PCDHA1: variants seen among roughly 807,000 people sequenced by gnomAD.
PCDHA1 encodes the protein protocadherin alpha-1.
A neutral mutation model predicts 61.3 loss-of-function variants in PCDHA1; 42 were observed. The observed-to-expected ratio is 0.69, with a 90% CI of 0.54 to 0.89. The LOEUF (loss-of-function observed/expected upper bound fraction) is 0.89. PCDHA1 is among the 40% of genes least tolerant of loss of function. The pLI is 0.00. For synonymous variants in PCDHA1, 610 were observed against 553.8 expected, an observed-to-expected ratio of 1.10 and a Z score of -1.43; for missense variants, 1,256 against 1,235.3, an observed-to-expected ratio of 1.02 and a Z score of -0.25.
intron 1 of PCDHA1, among the ~76,000 whole-genome samples, chr5:140,938,703 T>A: frequency 6.6e-6 from 1 of 152,170 alleles, no homozygotes; most frequent in East Asian, 1.9e-4. Flanking sequence ...AAATATATGT[T>A]TATGATAGAA....
intron 1 of PCDHA1, among the ~76,000 whole-genome samples, chr5:140,899,512 G>C (rs4386771): frequency 0.046 from 7,065 of 152,150 alleles, 285 homozygotes; most frequent in African/African-American, 0.11. Flanking sequence ...TGCATATATT[G>C]CATCCCAGGG....
chr5:140,796,415 C>T (rs782310227), intron 1 of PCDHA1: 18 of 1,613,830 alleles, frequency 1.1e-5, no homozygotes, highest in South Asian at 2.2e-5. Context: ...GATGCGGACG[C>T]GCAGGAGAAC....
chr5:140,935,388 T>C (rs2090344079), intron 1 of PCDHA1, among the ~76,000 whole-genome samples: 1 of 152,240 alleles, frequency 6.6e-6, no homozygotes, highest in African/African-American at 2.4e-5. Context: ...TCATTTGTTA[T>C]CCCACGGGAC....
rs572273107 is a variant in PCDHA1, at chr5:140,941,410, G to A, written c.2395-37539G>A. 1.3e-4 allele frequency among the ~76,000 whole-genome samples: 19 copies of A among 147,656 alleles called. 1 individual carries two copies. In the South Asian group the frequency reaches 3.3e-3, roughly 26 times the overall value. ...TGGCTCACTGCAACCTCCGCCTCCC[G>A]GGTTCAAGCAATTCTCTGCCTCAGC... On this transcript the variant is annotated intron_variant, in intron 1 of 3. Transcript: ENST00000504120.
chr5:140,841,942 G>T (rs2150326049), intron 1 of PCDHA1: 2 of 1,613,920 alleles, frequency 1.2e-6, no homozygotes, highest in Non-Finnish European at 1.7e-6. Flanking sequence ...ACGCTCCTGC[G>T]CACCACTTAT....
At chr5:140,973,697 C>G (rs1474916406) in intron 1 of PCDHA1, among the ~76,000 whole-genome samples, 1 of 152,226 alleles carries the variant, frequency 6.6e-6, no homozygotes, top group Non-Finnish European at 1.5e-5. Context: ...CTGTTTCCTT[C>G]TGACCCAGGA....
intron 1 of PCDHA1, chr5:140,802,047 G>C (rs1361472766): frequency 6.2e-7 from 1 of 1,614,032 alleles, no homozygotes; most frequent in Non-Finnish European, 8.5e-7. Context: ...TTTCAATACG[G>C]ACATGTCAGC....
chr5:140,922,726 C>T lies in PCDHA1; in HGVS notation c.2395-56223C>T, dbSNP rs118091551. On this transcript the variant is annotated intron_variant, in intron 1 of 3. Coordinates refer to ENST00000504120, the MANE Select transcript of PCDHA1 (RefSeq NM_018900.4). ...GTCAAGAACAAAAAGAAACACTTGA[C>T]AAGGTTGAGAAAAATAAATGGAAAA... is the stretch of plus-strand genomic sequence containing the variant. 6.6e-5 allele frequency among the ~76,000 whole-genome samples: 10 copies of T among 152,012 alleles called. No homozygotes were observed. The East Asian group carries it at 1.9e-3, about 29-fold the overall frequency.
At position 140,982,483 on chromosome 5, in the gene PCDHA1, A is replaced by C. The variant is rs1554244276; in HGVS notation, c.2462A>C (p.His821Pro). 1.2e-5 allele frequency: 20 copies of C among 1,614,142 alleles called. No homozygotes were observed. In the South Asian group the frequency reaches 1.9e-4, roughly 15 times the overall value. The stretch of plus-strand genomic sequence containing the variant: ...TCTGTGTGTTTATTCAGCTCTGTGC[A>C]CCTAGAGGAGGCTGGCATTCTACGG... ...SLRAGMHSSV[H>P]LEEAGILRAG... The change falls in exon 3 of 4, where the codon CAC becomes CCC. Residue 821 changes from histidine to proline, a missense_variant. By Grantham distance (77) the His-to-Pro change is moderately conservative. Coordinates refer to ENST00000504120, the MANE Select transcript of PCDHA1 (RefSeq NM_018900.4).
chr5:140,795,760 G>C (rs782144250), intron 1 of PCDHA1: 8 of 1,613,818 alleles, frequency 5.0e-6, no homozygotes, highest in Admixed American at 1.7e-5. Context: ...TAAGTTAAAC[G>C]CTTCTGATGC....
chr5:140,831,211 A>G lies in PCDHA1; in HGVS notation c.2394+42527A>G, dbSNP rs2150192455. 5.9e-5 allele frequency: 9 copies of G among 152,346 alleles called. No individual in the cohort carries two copies. In the South Asian group the frequency reaches 1.9e-3, roughly 32 times the overall value. The allele number at this position is 152,346 out of a possible 1,614,324, so 9.4% of individuals were successfully genotyped here. ...TTAGACCTTGTGATCAAGTAAATTT[A>G]TATGAAAACTGCATTCCTCTGGCAT... On this transcript the variant is annotated intron_variant, in intron 1 of 3. Transcript: ENST00000504120.
chr5:140,821,829 T>G (rs2150110969), intron 1 of PCDHA1: 2 of 1,614,124 alleles, frequency 1.2e-6, no homozygotes, highest in South Asian at 2.2e-5. Context: ...TGCTCTGGCT[T>G]CTCCTTGCCT....
intron 3 of PCDHA1, among the ~76,000 whole-genome samples, chr5:140,998,919 A>G (rs781864069): frequency 6.6e-6 from 1 of 152,248 alleles, no homozygotes; most frequent in Non-Finnish European, 1.5e-5. Flanking sequence ...TAGCTATTAT[A>G]TCCATTTTAC....
chr5:140,836,237 G>C (rs2150256194), intron 1 of PCDHA1: 6 of 1,613,720 alleles, frequency 3.7e-6, no homozygotes, highest in Non-Finnish European at 5.1e-6. Flanking sequence ...CGGCCGGTGC[G>C]AGCATCCCGT....
At chr5:140,807,684 C>G (rs782583674) in intron 1 of PCDHA1, 1 of 1,614,118 alleles carries the variant, frequency 6.2e-7, no homozygotes, top group African/African-American at 1.3e-5. Flanking sequence ...GGGGAGAACG[C>G]CCTGCTCACT....
intron 1 of PCDHA1, among the ~76,000 whole-genome samples, chr5:140,907,337 A>G (rs2073315694): frequency 6.6e-6 from 1 of 152,210 alleles, no homozygotes; most frequent in Non-Finnish European, 1.5e-5. Flanking sequence ...TTCCATATGC[A>G]TGAGCCCGCT....
intron 1 of PCDHA1, chr5:140,968,393 C>T (rs747934843): frequency 1.8e-5 from 29 of 1,613,976 alleles, no homozygotes; most frequent in East Asian, 2.2e-5. Context: ...TGAGAAGTTT[C>T]GGGAGTTCTT....
intron 1 of PCDHA1, among the ~76,000 whole-genome samples, chr5:140,978,306 A>C (rs2096795659): frequency 6.6e-6 from 1 of 152,230 alleles, no homozygotes; most frequent in Non-Finnish European, 1.5e-5. Flanking sequence ...GCACTCAGGA[A>C]GGAGCAGGAA....
At chr5:140,904,436 T>C (rs1554191522) in intron 1 of PCDHA1, among the ~76,000 whole-genome samples, 1 of 151,240 alleles carries the variant, frequency 6.6e-6, no homozygotes, top group Admixed American at 6.6e-5. Flanking sequence ...TATATATGTA[T>C]ATTACAATTT....
Sources: gnomAD v4.1 joint callset for allele counts (sites outside exome capture counted in the v4.1 genomes callset) on GRCh38, gnomAD v4.1.1 for gene constraint, MANE v1.5 for transcripts, NCBI Gene and HGNC (gene_info 2026-07-23, HGNC 2026-07-21) for gene names.